HEMK2: variants seen among roughly 807,000 people sequenced by gnomAD.
HEMK2 encodes the protein methyltransferase HEMK2.
chr21:28,653,569 G>C, the HEMK2 span, among the ~76,000 whole-genome samples: 1 of 152,188 alleles, frequency 6.6e-6, no homozygotes, highest in South Asian at 2.1e-4. Context: ...CCTCCCTCAA[G>C]CACCCATATT....
At chr21:28,582,659 G>C in the HEMK2 span, among the ~76,000 whole-genome samples, 1 of 152,146 alleles carries the variant, frequency 6.6e-6, no homozygotes, top group Non-Finnish European at 1.5e-5. Flanking sequence ...GAAAGATTGA[G>C]AGGAAATACT....
At chr21:28,838,984 T>C in the HEMK2 span, among the ~76,000 whole-genome samples, 3 of 61,544 alleles carry the variant, frequency 4.9e-5, no homozygotes, top group African/African-American at 1.8e-4. Flanking sequence ...TATATATATA[T>C]ATATATATAT....
the HEMK2 span, among the ~76,000 whole-genome samples, chr21:28,769,328 C>A: frequency 6.6e-6 from 1 of 152,048 alleles, no homozygotes; most frequent in Non-Finnish European, 1.5e-5. Context: ...CTAACTTATA[C>A]GGTTTGGAAT....
chr21:28,717,271 T>C, the HEMK2 span, among the ~76,000 whole-genome samples: 1 of 152,116 alleles, frequency 6.6e-6, no homozygotes, highest in Non-Finnish European at 1.5e-5. Context: ...GGTGTTTTTT[T>C]ACTACTGATT....
At chr21:28,627,788 T>C in the HEMK2 span, among the ~76,000 whole-genome samples, 2,605 of 152,216 alleles carry the variant, frequency 0.017, 80 homozygotes, top group African/African-American at 0.059. Context: ...CTTTGCAACC[T>C]CCCTGCTCTT....
chr21:28,870,979 A>C, the HEMK2 span, among the ~76,000 whole-genome samples: 1 of 152,140 alleles, frequency 6.6e-6, no homozygotes, highest in South Asian at 2.1e-4. Flanking sequence ...TATCAAATTC[A>C]CTGCTATTGT....
the HEMK2 span, among the ~76,000 whole-genome samples, chr21:28,781,117 T>C: frequency 6.6e-6 from 1 of 152,222 alleles, no homozygotes; most frequent in Admixed American, 6.5e-5. Flanking sequence ...AAAGCCTCTA[T>C]CTCAAGTTGC....
the HEMK2 span, among the ~76,000 whole-genome samples, chr21:28,662,981 C>G: frequency 6.6e-6 from 1 of 152,136 alleles, no homozygotes. Flanking sequence ...AAGCATACCT[C>G]TGAGAACCTT....
At chr21:28,645,066 A>G in the HEMK2 span, among the ~76,000 whole-genome samples, 1 of 152,114 alleles carries the variant, frequency 6.6e-6, no homozygotes, top group Non-Finnish European at 1.5e-5. Context: ...CCTCATCTCA[A>G]AGACTATGAA....
At chr21:28,798,053 C>T in the HEMK2 span, among the ~76,000 whole-genome samples, 1 of 152,116 alleles carries the variant, frequency 6.6e-6, no homozygotes, top group Non-Finnish European at 1.5e-5. Flanking sequence ...TAGTTTCTGC[C>T]AACAGCCAGT....
At chr21:28,783,491 ATATTTTTAG>A in the HEMK2 span, among the ~76,000 whole-genome samples, 1 of 152,202 alleles carries the variant, frequency 6.6e-6, no homozygotes, top group African/African-American at 2.4e-5. Flanking sequence ...ACCTTAAATA[ATATTTTTAG>A]TATTTTTGTG....
chr21:28,624,358 T>C, the HEMK2 span, among the ~76,000 whole-genome samples: 1 of 152,212 alleles, frequency 6.6e-6, no homozygotes, highest in Admixed American at 6.5e-5. Flanking sequence ...AATTGGTAAT[T>C]AGACACAGTT....
At chr21:28,827,049 G>C in the HEMK2 span, among the ~76,000 whole-genome samples, 1 of 152,148 alleles carries the variant, frequency 6.6e-6, no homozygotes, top group African/African-American at 2.4e-5. Context: ...AATGCCAGAA[G>C]AAACAGGAAT....
chr21:28,818,081 T>A, the HEMK2 span, among the ~76,000 whole-genome samples: 2 of 152,096 alleles, frequency 1.3e-5, no homozygotes, highest in African/African-American at 4.8e-5. Flanking sequence ...GAGATTAACA[T>A]TTGAGTCAGT....
the HEMK2 span, among the ~76,000 whole-genome samples, chr21:28,824,229 G>A: frequency 1.6e-4 from 24 of 152,122 alleles, no homozygotes; most frequent in African/African-American, 4.1e-4. Context: ...TGTTGTTGTC[G>A]TTGTTAAGTC....
At chr21:28,801,802 T>G in the HEMK2 span, among the ~76,000 whole-genome samples, 1 of 152,142 alleles carries the variant, frequency 6.6e-6, no homozygotes, top group Non-Finnish European at 1.5e-5. Context: ...CGAGAGAATG[T>G]TCAATAACAC....
the HEMK2 span, among the ~76,000 whole-genome samples, chr21:28,692,969 A>G: frequency 1.3e-5 from 2 of 152,132 alleles, no homozygotes; most frequent in Non-Finnish European, 2.9e-5. Context: ...CAGAAAATAG[A>G]TTAGTGTTTT....
the HEMK2 span, among the ~76,000 whole-genome samples, chr21:28,654,576 A>G: frequency 6.6e-6 from 1 of 152,142 alleles, no homozygotes; most frequent in Non-Finnish European, 1.5e-5. Flanking sequence ...ACTTGCCAGG[A>G]CAGAGTTTCT....
the HEMK2 span, among the ~76,000 whole-genome samples, chr21:28,643,726 C>A: frequency 6.6e-6 from 1 of 152,176 alleles, no homozygotes; most frequent in South Asian, 2.1e-4. Flanking sequence ...ACTTCCCAGC[C>A]TCCAAAACTG....
Sources: gnomAD v4.1 joint callset for allele counts (sites outside exome capture counted in the v4.1 genomes callset) on GRCh38, gnomAD v4.1.1 for gene constraint, MANE v1.5 for transcripts, NCBI Gene and HGNC (gene_info 2026-07-23, HGNC 2026-07-21) for gene names.